Variants in AGBL1 observed in about 807,000 individuals in gnomAD.
The protein encoded by AGBL1 is cytosolic carboxypeptidase 4.
In AGBL1, 130 loss-of-function variants were observed where a neutral mutation model predicts 118.9. That is an observed-to-expected ratio of 1.09 (90% confidence interval 0.95 to 1.26). The LOEUF is 1.26. Ranked by LOEUF, AGBL1 falls within the 50% of genes most tolerant of loss-of-function variation. The pLI is 0.00. For synonymous variants in AGBL1, 555 were observed against 478.9 expected, an observed-to-expected ratio of 1.16 and a Z score of -2.08; for missense variants, 1,584 against 1,298.1, an observed-to-expected ratio of 1.22 and a Z score of -3.38.
chr15:86,514,135 A>AAC (rs3084321), intron 18 of AGBL1, among the ~76,000 whole-genome samples: 21,249 of 149,002 alleles, frequency 0.14, 1,511 homozygotes, highest in African/African-American at 0.17. Context: ...TACACACACA[A>AAC]ACACACACAC....
At chr15:86,854,120 C>T (rs1050542161) in intron 22 of AGBL1, among the ~76,000 whole-genome samples, 1 of 152,096 alleles carries the variant, frequency 6.6e-6, no homozygotes, top group African/African-American at 2.4e-5. Context: ...CTGCATTTTC[C>T]CTCTCTACCA....
intron 22 of AGBL1, among the ~76,000 whole-genome samples, chr15:86,722,702 T>C (rs1285708376): frequency 7.2e-5 from 11 of 152,240 alleles, no homozygotes; most frequent in Admixed American, 3.3e-4. Context: ...AAAGAAACTA[T>C]CATCAGAGTG....
At chr15:86,449,688 A>G (rs979865012) in intron 18 of AGBL1, among the ~76,000 whole-genome samples, 4 of 152,112 alleles carry the variant, frequency 2.6e-5, no homozygotes, top group Non-Finnish European at 4.4e-5. Flanking sequence ...GAGTGTGGAG[A>G]AGGTAGGAAG....
intron 17 of AGBL1, among the ~76,000 whole-genome samples, chr15:86,378,218 G>C (rs182928666): frequency 2.6e-4 from 39 of 152,238 alleles, no homozygotes; most frequent in Middle Eastern, 3.4e-3. Context: ...TTTAGAGCTG[G>C]AGTTACCTTA....
intron 18 of AGBL1, among the ~76,000 whole-genome samples, chr15:86,432,524 T>C (rs185801788): frequency 9.2e-5 from 14 of 152,358 alleles, no homozygotes; most frequent in Non-Finnish European, 4.4e-5. Flanking sequence ...TATTGTATTC[T>C]ATTAAGAGAG....
At chr15:86,594,707 T>C (rs2084382930) in intron 21 of AGBL1, among the ~76,000 whole-genome samples, 1 of 152,232 alleles carries the variant, frequency 6.6e-6, no homozygotes, top group Non-Finnish European at 1.5e-5. Context: ...TAGTACAAAG[T>C]AAAATCTATT....
intron 21 of AGBL1, among the ~76,000 whole-genome samples, chr15:86,608,449 C>G (rs776623959): frequency 5.3e-5 from 8 of 152,136 alleles, no homozygotes; most frequent in Non-Finnish European, 7.3e-5. Flanking sequence ...TCTTTTTTCT[C>G]TGTTGATAAG....
chr15:86,668,682 C>A (rs538227484), intron 21 of AGBL1, among the ~76,000 whole-genome samples: 6 of 152,224 alleles, frequency 3.9e-5, no homozygotes, highest in African/African-American at 1.4e-4. Flanking sequence ...ATACTAAACC[C>A]TGTTCACTTA....
intron 6 of AGBL1, among the ~76,000 whole-genome samples, chr15:86,238,142 T>C (rs1285522559): frequency 6.6e-6 from 1 of 152,206 alleles, no homozygotes; most frequent in Non-Finnish European, 1.5e-5. Context: ...CTGTTTTGTT[T>C]TCTCTGTATC....
intron 24 of AGBL1, among the ~76,000 whole-genome samples, chr15:86,990,903 G>A (rs1409840369): frequency 1.3e-5 from 2 of 152,088 alleles, no homozygotes; most frequent in African/African-American, 2.4e-5. Context: ...TGGCATGAAT[G>A]CTTTATCTGG....
At chr15:86,115,578 C>T (rs1040068368) in intron 1 of AGBL1, among the ~76,000 whole-genome samples, 21 of 152,104 alleles carry the variant, frequency 1.4e-4, no homozygotes, top group African/African-American at 4.6e-4. Context: ...ATACTTACTC[C>T]CAGATACCGC....
At chr15:86,696,982 G>T (rs987984080) in intron 22 of AGBL1, among the ~76,000 whole-genome samples, 1 of 151,726 alleles carries the variant, frequency 6.6e-6, no homozygotes, top group African/African-American at 2.4e-5. Flanking sequence ...TAATAAGATA[G>T]TTTTTTTTAA....
At chr15:86,469,749 G>A (rs1389288032) in intron 18 of AGBL1, among the ~76,000 whole-genome samples, 1 of 152,018 alleles carries the variant, frequency 6.6e-6, no homozygotes, top group Non-Finnish European at 1.5e-5. Context: ...GTTATATTTT[G>A]TCTTTTTGTT....
intron 24 of AGBL1, among the ~76,000 whole-genome samples, chr15:87,016,408 T>C (rs1458298590): frequency 1.3e-5 from 2 of 152,152 alleles, no homozygotes; most frequent in Non-Finnish European, 2.9e-5. Flanking sequence ...CCTTGAAGAA[T>C]GAGTGGGTGC....
intron 24 of AGBL1, among the ~76,000 whole-genome samples, chr15:86,990,376 G>T (rs185592265): frequency 2.6e-5 from 4 of 152,048 alleles, no homozygotes; most frequent in Admixed American, 2.6e-4. Flanking sequence ...TTAGCCACGC[G>T]TGTGGCAGGT....
At chr15:86,347,288 G>C (rs1191125793) in intron 17 of AGBL1, among the ~76,000 whole-genome samples, 1 of 152,198 alleles carries the variant, frequency 6.6e-6, no homozygotes, top group Non-Finnish European at 1.5e-5. Flanking sequence ...ATAACTAGAT[G>C]GTTACTAGAA....
At chr15:86,425,880 T>C (rs551081837) in intron 18 of AGBL1, among the ~76,000 whole-genome samples, 62 of 152,298 alleles carry the variant, frequency 4.1e-4, no homozygotes, top group African/African-American at 1.3e-3. Flanking sequence ...ACCGTCACAC[T>C]GTCAGATGAT....
rs147146601 is a variant in AGBL1 at position 86,413,270 on chromosome 15, C to T, written c.2555+15724C>T. 3.3e-5 allele frequency among the ~76,000 whole-genome samples: 5 copies of T among 152,238 alleles called. No individual in the cohort carries two copies. The East Asian group carries it at 9.6e-4, about 29-fold the overall frequency. On this transcript the variant is annotated intron_variant, in intron 18 of 22. Transcript: ENST00000614907. The stretch of plus-strand genomic sequence containing the variant: ...TTTGAAGTCCAGGCCTAAAACTTTC[C>T]CCACTGAATCTCCATTACATGCAAG...
At chr15:86,768,298 A>T (rs532052844) in intron 22 of AGBL1, among the ~76,000 whole-genome samples, 1 of 152,088 alleles carries the variant, frequency 6.6e-6, no homozygotes, top group South Asian at 2.1e-4. Context: ...ATAGTTTAAC[A>T]TAACATAATA....
Sources: allele counts gnomAD v4.1 joint callset (sites outside exome capture counted in the v4.1 genomes callset), GRCh38; gene constraint gnomAD v4.1.1; transcripts MANE v1.5; gene names NCBI Gene and HGNC (gene_info 2026-07-23, HGNC 2026-07-21).